SUSD1: variants seen among roughly 807,000 people sequenced by gnomAD.
SUSD1 encodes sushi domain containing 1.
SUSD1 carries 65 observed loss-of-function variants against 86.9 expected under a neutral mutation model. The observed-to-expected ratio is 0.75, with a 90% CI of 0.61 to 0.92. The LOEUF (loss-of-function observed/expected upper bound fraction) is 0.92, where lower values mean the gene tolerates loss of function less well. Ranked by LOEUF, SUSD1 falls within the 40% of genes least tolerant of loss-of-function variation. The pLI, the probability that SUSD1 is intolerant of heterozygous loss-of-function variation, is 0.00. For missense variants in SUSD1, 850 were observed against 929.7 expected, an observed-to-expected ratio of 0.91 and a Z score of 1.11; for synonymous variants, 346 against 350.0, an observed-to-expected ratio of 0.99 and a Z score of 0.13.
chr9:112,071,428 C>T (rs989820675), intron 12 of SUSD1, among the ~76,000 whole-genome samples: 1 of 151,730 alleles, frequency 6.6e-6, no homozygotes, highest in African/African-American at 2.4e-5. Flanking sequence ...CCACAGCACT[C>T]CAGCCAGGGC....
intron 1 of SUSD1, among the ~76,000 whole-genome samples, chr9:112,166,089 CG>C (rs1833818796): frequency 6.6e-6 from 1 of 152,088 alleles, no homozygotes; most frequent in East Asian, 1.9e-4. Flanking sequence ...AGCAAAAAAA[CG>C]TAAGATGGGT....
At chr9:112,088,552 C>T (rs1830074593) in intron 10 of SUSD1, among the ~76,000 whole-genome samples, 1 of 152,076 alleles carries the variant, frequency 6.6e-6, no homozygotes, top group Non-Finnish European at 1.5e-5. Context: ...CTTGGGAGGC[C>T]AAGGTAGGAG....
chr9:112,119,514 A>G (rs1449322366), intron 6 of SUSD1, among the ~76,000 whole-genome samples: 1 of 152,220 alleles, frequency 6.6e-6, no homozygotes, highest in Non-Finnish European at 1.5e-5. Flanking sequence ...AGCGATAAAC[A>G]GCCTCTGTTC....
intron 5 of SUSD1, among the ~76,000 whole-genome samples, chr9:112,133,342 C>G (rs1244505128): frequency 1.3e-5 from 2 of 152,200 alleles, no homozygotes; most frequent in African/African-American, 4.8e-5. Flanking sequence ...GCAACCAAAA[C>G]AGCATGGTAC....
intron 2 of SUSD1, among the ~76,000 whole-genome samples, chr9:112,153,794 A>G (rs958611368): frequency 1.3e-5 from 2 of 151,860 alleles, no homozygotes; most frequent in Admixed American, 6.6e-5. Flanking sequence ...TTGTATTTTT[A>G]GTAGAGATGG....
intron 15 of SUSD1, among the ~76,000 whole-genome samples, chr9:112,051,408 C>CTTTTTTTTTTTTTTTT (rs746946192): frequency 2.9e-3 from 223 of 76,958 alleles, no homozygotes; most frequent in Non-Finnish European, 3.8e-3. Flanking sequence ...TTTTTCTTTT[C>CTTTTTTTTTTTTTTTT]TTTTTTTTTT....
chr9:112,060,637 C>A (rs1828678597), intron 13 of SUSD1, among the ~76,000 whole-genome samples: 1 of 152,198 alleles, frequency 6.6e-6, no homozygotes, highest in African/African-American at 2.4e-5. Context: ...CACTTTCAGC[C>A]AAGGGCTTTC....
chr9:112,158,472 C>G (rs1427582571), intron 1 of SUSD1, among the ~76,000 whole-genome samples: 1 of 152,008 alleles, frequency 6.6e-6, no homozygotes, highest in Admixed American at 6.6e-5. Context: ...CTCACTGCAG[C>G]CTTGACCTCC....
chr9:112,063,623 C>A (rs1403888878), intron 12 of SUSD1, among the ~76,000 whole-genome samples: 1 of 152,116 alleles, frequency 6.6e-6, no homozygotes, highest in Non-Finnish European at 1.5e-5. Context: ...ATTTTCCCGC[C>A]CCCAGCAACA....
intron 5 of SUSD1, among the ~76,000 whole-genome samples, chr9:112,141,685 T>C (rs956088269): frequency 8.2e-5 from 12 of 146,746 alleles, no homozygotes; most frequent in African/African-American, 3.0e-4. Context: ...TCAAAAACTA[T>C]ATATATATAT....
At chr9:112,148,549 C>G (rs567099461) in intron 3 of SUSD1, among the ~76,000 whole-genome samples, 1 of 152,086 alleles carries the variant, frequency 6.6e-6, no homozygotes, top group Non-Finnish European at 1.5e-5. Flanking sequence ...GGACCCCCGA[C>G]CTGTGGTTAC....
Position 112,142,961 on chromosome 9 carries a change from CTTTTTTTTTTTTTTTTTTT to C in SUSD1, c.527-481_527-463del, listed in dbSNP as rs529470594. On this transcript the variant is annotated intron_variant, in intron 4 of 16. Coordinates refer to ENST00000374270, the MANE Select transcript of SUSD1 (RefSeq NM_022486.5). ...AATCCTTTAAGTTTATGAATTTTAG[CTTTTTTTTTTTTTTTTTTT>C]TTTTTTTTTTTTTTTTTTTTTAAGA... Among the ~76,000 whole-genome samples, 71 of 30,214 alleles carry C rather than the reference CTTTTTTTTTTTTTTTTTTT, an allele frequency of 2.3e-3. 3 individuals are homozygous for C. Among genetic ancestry groups the C allele is most frequent in the South Asian group, 0.017 (8 of 464 alleles). 19.8% of individuals were successfully genotyped at this position (30,214 alleles called of 152,430 possible). A position where few individuals can be genotyped will look rare whatever the true frequency, so the allele number is the denominator to read the frequency against.
intron 6 of SUSD1, among the ~76,000 whole-genome samples, chr9:112,120,168 G>T (rs183837804): frequency 7.2e-5 from 11 of 152,236 alleles, no homozygotes; most frequent in Admixed American, 7.2e-4. Context: ...TTAGCCATGC[G>T]TGGTGGGTCA....
At position 112,080,174 on chromosome 9, in the gene SUSD1, G is replaced by C. The variant is rs1161268725; in HGVS notation, c.1475-9C>G. 3 of 1,592,984 alleles carry C rather than the reference G, an allele frequency of 1.9e-6. No homozygotes were observed. The highest frequency in any genetic ancestry group is 1.7e-5 in the Admixed American group (1 of 59,830). On this transcript the variant is annotated splice_polypyrimidine_tract_variant and intron_variant, in intron 10 of 16. Transcript: ENST00000374270. ...ACTGATGGTCTGTTTTACTGTAGTG[G>C]AAAAGAAATGAGAAATCAATTTACA...
At chr9:112,120,780 G>A (rs567561545) in intron 6 of SUSD1, among the ~76,000 whole-genome samples, 1 of 152,278 alleles carries the variant, frequency 6.6e-6, no homozygotes, top group South Asian at 2.1e-4. Flanking sequence ...AGCTTACTAT[G>A]CCCCATGCAG....
At chr9:112,157,385 T>C in intron 2 of SUSD1, 115 bp downstream of exon 2, 1 of 705,178 alleles carries the variant, frequency 1.4e-6, no homozygotes, top group Non-Finnish European at 2.4e-6. Flanking sequence ...CTTCTCATAA[T>C]AAAAACATGT....
chr9:112,142,221 A>T, intron 5 of SUSD1, 99 bp downstream of exon 5: 1 of 1,014,212 alleles, frequency 9.9e-7, no homozygotes, highest in Non-Finnish European at 1.4e-6. Flanking sequence ...TTAAAGGTTT[A>T]CTTAACTCAT....
chr9:112,141,943 T>C (rs989154178), intron 5 of SUSD1, among the ~76,000 whole-genome samples: 9 of 142,538 alleles, frequency 6.3e-5, no homozygotes, highest in Non-Finnish European at 1.1e-4. Context: ...TATATATATA[T>C]ACACCTAACA....
intron 10 of SUSD1, among the ~76,000 whole-genome samples, chr9:112,084,051 T>C (rs1015447915): frequency 2.0e-5 from 3 of 152,200 alleles, no homozygotes; most frequent in Admixed American, 1.3e-4. Context: ...ATGACCAATA[T>C]GATGCATAGA....
Sources: gnomAD v4.1 joint callset for allele counts (sites outside exome capture counted in the v4.1 genomes callset) on GRCh38, gnomAD v4.1.1 for gene constraint, MANE v1.5 for transcripts, NCBI Gene and HGNC (gene_info 2026-07-23, HGNC 2026-07-21) for gene names.